Variants in RASGRP3 observed in about 807,000 individuals in gnomAD.
RASGRP3 encodes the protein RAS guanyl releasing protein 3, also known as ras guanyl-releasing protein 3.
In RASGRP3, 54 loss-of-function variants were observed where a neutral mutation model predicts 82.7. The observed-to-expected ratio is 0.65, with a 90% confidence interval of 0.52 to 0.82. The LOEUF is 0.82. Among genes scored for constraint, RASGRP3 ranks in the 40% least tolerant of loss-of-function variants. The pLI is 0.00. For synonymous variants in RASGRP3, 309 were observed against 300.5 expected, an observed-to-expected ratio of 1.03 and a Z score of -0.29; for missense variants, 861 against 828.9, an observed-to-expected ratio of 1.04 and a Z score of -0.48.
At chr2:33,548,821 T>C (rs952607572) in intron 13 of RASGRP3, among the ~76,000 whole-genome samples, 1 of 151,984 alleles carries the variant, frequency 6.6e-6, no homozygotes, top group African/African-American at 2.4e-5. Flanking sequence ...CCTGAGTAGC[T>C]GGGATTATAG....
intron 1 of RASGRP3, among the ~76,000 whole-genome samples, chr2:33,477,980 G>A (rs1017829577): frequency 1.1e-4 from 16 of 152,158 alleles, no homozygotes; most frequent in Non-Finnish European, 1.9e-4. Flanking sequence ...ACAGGCTCAA[G>A]CTATACGGTT....
At chr2:33,518,703 AT>A (rs1671693212) in intron 4 of RASGRP3, among the ~76,000 whole-genome samples, 1 of 151,122 alleles carries the variant, frequency 6.6e-6, no homozygotes, top group South Asian at 2.1e-4. Context: ...AACTTACTCT[AT>A]TTAAATTTTT....
At chr2:33,498,066 G>A (rs1457910333) in intron 1 of RASGRP3, among the ~76,000 whole-genome samples, 1 of 151,570 alleles carries the variant, frequency 6.6e-6, no homozygotes, top group African/African-American at 2.4e-5. Flanking sequence ...GTATATGTAG[G>A]TAAAATGTAT....
intron 9 of RASGRP3, among the ~76,000 whole-genome samples, chr2:33,525,827 G>A (rs886777979): frequency 5.3e-4 from 81 of 152,008 alleles, no homozygotes; most frequent in African/African-American, 1.5e-3. Context: ...CAGTGAGCCA[G>A]GATCATACCA....
chr2:33,473,469 G>T (rs552036199), upstream of RASGRP3, among the ~76,000 whole-genome samples: 1 of 152,174 alleles, frequency 6.6e-6, no homozygotes, highest in Non-Finnish European at 1.5e-5. Context: ...ATGAGCGCAC[G>T]CTGAGAGCAA....
At chr2:33,463,308 G>A (rs978462634) in intron 2 of RASGRP3, among the ~76,000 whole-genome samples, 1 of 152,128 alleles carries the variant, frequency 6.6e-6, no homozygotes, top group Non-Finnish European at 1.5e-5. Context: ...GAGAAACACT[G>A]CCATAAAGGT....
intron 2 of RASGRP3, among the ~76,000 whole-genome samples, chr2:33,468,082 T>TAG (rs1279562910): frequency 6.6e-6 from 1 of 151,516 alleles, no homozygotes; most frequent in Non-Finnish European, 1.5e-5. Flanking sequence ...TCTCTTTGTG[T>TAG]AGATGATTGA....
intron 7 of RASGRP3, among the ~76,000 whole-genome samples, chr2:33,523,649 G>A (rs2305572): frequency 0.25 from 37,931 of 151,924 alleles, 6,473 homozygotes; most frequent in African/African-American, 0.49. Flanking sequence ...AAGCTGTGAT[G>A]TGTAGTAGTG....
intron 1 of RASGRP3, among the ~76,000 whole-genome samples, chr2:33,498,159 G>T (rs911732981): frequency 1.3e-5 from 2 of 152,152 alleles, no homozygotes; most frequent in South Asian, 2.1e-4. Flanking sequence ...CCCTTACCAA[G>T]AAAATAATAA....
chr2:33,558,263 CAGG>C lies in RASGRP3; in HGVS notation c.1635_1637del (p.Arg546del), dbSNP rs545201417. 399 of 1,613,334 alleles carry C rather than the reference CAGG, an allele frequency of 2.5e-4. No individual in the cohort carries two copies. The African/African-American group carries it at 4.7e-3, about 19-fold the overall frequency. On this transcript the variant is annotated inframe_deletion, in exon 16 of 18. Coordinates refer to ENST00000403687, the MANE Select transcript of RASGRP3 (RefSeq NM_001139488.2). The stretch of plus-strand genomic sequence containing the variant: ...GCAAAGACCTCCTGGTTCTGGCCTG[CAGG>C]AGATTTGCCCGGGCGCCCTCCTTGA...
intron 15 of RASGRP3, among the ~76,000 whole-genome samples, 197 bp from the exon 16 acceptor site, chr2:33,558,014 G>A (rs17013337): frequency 0.035 from 5,335 of 152,040 alleles, 114 homozygotes; most frequent in East Asian, 0.055. Context: ...GAGAATTTTC[G>A]GAACCTCAGG....
At chr2:33,534,124 A>G (rs1345776465) in intron 10 of RASGRP3, 199 bp from the exon 11 acceptor site, 7 of 581,160 alleles carry the variant, frequency 1.2e-5, no homozygotes, top group African/African-American at 9.4e-5. Flanking sequence ...GTTCTCGTCA[A>G]TACTGATGAT....
intron 1 of RASGRP3, among the ~76,000 whole-genome samples, chr2:33,477,116 C>T (rs963290585): frequency 2.6e-5 from 4 of 152,178 alleles, no homozygotes; most frequent in Non-Finnish European, 5.9e-5. Context: ...TAATCTGTTT[C>T]TACCACTGAA....
chr2:33,502,185 A>G (rs186897532), intron 1 of RASGRP3, among the ~76,000 whole-genome samples: 1,831 of 152,222 alleles, frequency 0.012, 24 homozygotes, highest in Non-Finnish European at 0.016. Flanking sequence ...AGGAAATACA[A>G]GGGGAGTTAC....
At chr2:33,525,106 A>C (rs7592204) in intron 9 of RASGRP3, among the ~76,000 whole-genome samples, 3 of 149,124 alleles carry the variant, frequency 2.0e-5, no homozygotes, top group Non-Finnish European at 3.0e-5. Flanking sequence ...AAAAAAAAAA[A>C]AAAAAACTCA....
At chr2:33,457,010 C>A (rs536713887) in intron 2 of RASGRP3, among the ~76,000 whole-genome samples, 1 of 147,718 alleles carries the variant, frequency 6.8e-6, no homozygotes, top group South Asian at 2.1e-4. Flanking sequence ...TCAAGTGATT[C>A]TTGTGCCTCA....
chr2:33,528,345 T>C (rs999931619), intron 10 of RASGRP3, among the ~76,000 whole-genome samples: 1 of 152,240 alleles, frequency 6.6e-6, no homozygotes, highest in South Asian at 2.1e-4. Flanking sequence ...TTTTGGCATT[T>C]GTGGCACACA....
chr2:33,472,193 G>A (rs1048361961), upstream of RASGRP3, among the ~76,000 whole-genome samples: 4 of 152,122 alleles, frequency 2.6e-5, no homozygotes, highest in Non-Finnish European at 5.9e-5. Context: ...ATTGTATTAG[G>A]CATTGCAGGA....
chr2:33,453,027 G>A (rs1409798549), intron 2 of RASGRP3, among the ~76,000 whole-genome samples: 2 of 152,178 alleles, frequency 1.3e-5, no homozygotes, highest in African/African-American at 4.8e-5. Flanking sequence ...CACAGGGAAG[G>A]TATCTTTCTC....
Sources: gnomAD v4.1 joint callset for allele counts (sites outside exome capture counted in the v4.1 genomes callset) on GRCh38, gnomAD v4.1.1 for gene constraint, MANE v1.5 for transcripts, NCBI Gene and HGNC (gene_info 2026-07-23, HGNC 2026-07-21) for gene names.